DGKI: variants seen among roughly 807,000 people sequenced by gnomAD.
DGKI encodes the protein DAG kinase iota.
A neutral mutation model predicts 147.5 loss-of-function variants in DGKI; 55 were observed. The observed-to-expected ratio is 0.37, with a 90% CI of 0.30 to 0.47. DGKI has a LOEUF of 0.47. Ranked by LOEUF, DGKI falls within the 20% of genes least tolerant of loss-of-function variation. The pLI is 1.00. For synonymous variants in DGKI, 469 were observed against 477.1 expected (o/e 0.98, Z 0.22); for missense variants, 1,007 against 1,323.8 (o/e 0.76, Z 3.71).
At chr7:137,636,759 G>A (rs1035902006) in intron 6 of DGKI, among the ~76,000 whole-genome samples, 1 of 152,212 alleles carries the variant, frequency 6.6e-6, no homozygotes, top group Non-Finnish European at 1.5e-5. Context: ...GATCCCCTAT[G>A]AGTGGCTTGG....
chr7:137,503,982 A>G (rs1024965016), intron 21 of DGKI, among the ~76,000 whole-genome samples: 1 of 152,166 alleles, frequency 6.6e-6, no homozygotes. Context: ...AAGTCTCTAG[A>G]GTCTAAACTA....
At chr7:137,653,778 G>T (rs1406935143) in intron 5 of DGKI, among the ~76,000 whole-genome samples, 1 of 152,214 alleles carries the variant, frequency 6.6e-6, no homozygotes, top group Non-Finnish European at 1.5e-5. Flanking sequence ...TCGTCTCCCT[G>T]AGAAAGTATG....
rs138177737 is a variant in DGKI, at chr7:137,712,117, G to A, written c.402-22115C>T. On this transcript the variant is annotated intron_variant, in intron 1 of 32. Transcript: ENST00000614521. ...ATCATTAGTAAAGATACAAATATTT[G>A]GTTAAATGTTAATAAAAAGCAAGGG... 5.1e-3 allele frequency among the ~76,000 whole-genome samples: 773 copies of A among 152,148 alleles called. 6 individuals carry two copies. Among genetic ancestry groups the A allele is most frequent in the Non-Finnish European group, 6.3e-3 (429 of 67,994 alleles).
chr7:137,758,157 C>A (rs926640136), intron 1 of DGKI, among the ~76,000 whole-genome samples: 5 of 152,200 alleles, frequency 3.3e-5, no homozygotes, highest in African/African-American at 9.7e-5. Context: ...ACTACCTCCT[C>A]CTCAATCAAA....
chr7:137,462,581 G>T lies in DGKI; in HGVS notation c.2735+908C>A, dbSNP rs1258319570. Among the ~76,000 whole-genome samples the T allele has an allele frequency of 1.1e-4, 17 of 152,246 alleles. No homozygotes were observed. In the South Asian group the frequency reaches 3.5e-3, roughly 32 times the overall value. On this transcript the variant is annotated intron_variant, in intron 27 of 32. Coordinates refer to ENST00000614521, the MANE Select transcript of DGKI (RefSeq NM_001321708.2). ...TGAAATTGCTTCTGGTCTTTCTCCA[G>T]AAACAAAGCACTTCCTTTGCCTCTT...
intron 8 of DGKI, among the ~76,000 whole-genome samples, chr7:137,619,484 A>T (rs1445093370): frequency 6.6e-6 from 1 of 152,218 alleles, no homozygotes; most frequent in African/African-American, 2.4e-5. Flanking sequence ...AGGCTGGAAG[A>T]GAACAGAGTT....
chr7:137,743,009 C>T (rs10215033), intron 1 of DGKI, among the ~76,000 whole-genome samples: 30,869 of 151,922 alleles, frequency 0.2, 5,324 homozygotes, highest in African/African-American at 0.46. Context: ...AGACTTTAAA[C>T]CAACAAGAGT....
chr7:137,446,477 G>A (rs1477657205), intron 27 of DGKI, among the ~76,000 whole-genome samples: 2 of 152,088 alleles, frequency 1.3e-5, no homozygotes, highest in African/African-American at 2.4e-5. Flanking sequence ...GCTGGAAATC[G>A]GCATAAAAAG....
intron 22 of DGKI, 62 bp downstream of exon 22, chr7:137,487,548 C>G: frequency 7.2e-7 from 1 of 1,385,998 alleles, no homozygotes; most frequent in Non-Finnish European, 1.0e-6. Context: ...ATATATATGG[C>G]TGGTAATTGT....
intron 23 of DGKI, among the ~76,000 whole-genome samples, chr7:137,477,384 T>C (rs141546903): frequency 0.012 from 1,888 of 152,336 alleles, 147 homozygotes; most frequent in Admixed American, 0.12. Flanking sequence ...GTTGCATGGT[T>C]TTCATTTCTG....
intron 1 of DGKI, among the ~76,000 whole-genome samples, chr7:137,824,977 G>T (rs772847151): frequency 5.3e-5 from 8 of 152,168 alleles, no homozygotes; most frequent in Non-Finnish European, 8.8e-5. Context: ...GATTTAGGTT[G>T]ATTCCATGTC....
At position 137,815,312 on chromosome 7, in the gene DGKI, A is replaced by G. The variant is rs1016656835; in HGVS notation, c.401+31150T>C. On this transcript the variant is annotated intron_variant, in intron 1 of 32. Transcript: ENST00000614521. ...CATGGCTGGTCATTCTCAGAAAATC[A>G]TCTTATTTGAGTTGCTGGCCCAGCT... is the stretch of plus-strand genomic sequence containing the variant. Among the ~76,000 whole-genome samples, 5 of 152,290 alleles carry G rather than the reference A, an allele frequency of 3.3e-5. No individual in the cohort carries two copies. The South Asian group carries it at 1.0e-3, about 32-fold the overall frequency.
chr7:137,584,047 C>T (rs1167288066), intron 14 of DGKI, among the ~76,000 whole-genome samples: 3 of 152,062 alleles, frequency 2.0e-5, no homozygotes, highest in African/African-American at 7.2e-5. Context: ...TGATCAGGAT[C>T]ACGATGCTAA....
Position 137,485,432 on chromosome 7 carries a change from G to GAA in DGKI, c.2329-16_2329-15dup. 3 of 1,520,546 alleles carry GAA rather than the reference G, an allele frequency of 2.0e-6. No homozygotes were observed. The highest frequency in any genetic ancestry group is 1.9e-5 in the Admixed American group (1 of 52,512). 94.2% of individuals were successfully genotyped at this position (1,520,546 alleles called of 1,614,324 possible). A position where few individuals can be genotyped will look rare whatever the true frequency, so the allele number is the denominator to read the frequency against. ...TGACTGTAGGTCCTAATGAGAAAAT[G>GAA]AAAAAAAAAATCCATACCTTAAAAT... is the stretch of plus-strand genomic sequence containing the variant. On this transcript the variant is annotated splice_polypyrimidine_tract_variant and intron_variant, in intron 22 of 32. Transcript: ENST00000614521.
At chr7:137,596,001 C>CAAAAA (rs71177914) in intron 12 of DGKI, among the ~76,000 whole-genome samples, 535 of 44,510 alleles carry the variant, frequency 0.012, 16 homozygotes, top group Non-Finnish European at 0.014. Flanking sequence ...GACTCCGTCT[C>CAAAAA]AAAAAAAAAA....
chr7:137,597,759 A>G, intron 12 of DGKI, 88 bp downstream of exon 12: 2 of 1,242,688 alleles, frequency 1.6e-6, no homozygotes, highest in East Asian at 2.4e-5. Context: ...GATTAGAAAG[A>G]CTGAGCAACG....
At chr7:137,649,467 A>G (rs1390584989) in intron 5 of DGKI, among the ~76,000 whole-genome samples, 4 of 152,206 alleles carry the variant, frequency 2.6e-5, no homozygotes, top group Non-Finnish European at 5.9e-5. Flanking sequence ...CTTCTGAATT[A>G]TTCATAAACA....
chr7:137,779,848 T>C (rs1215662635), intron 1 of DGKI, among the ~76,000 whole-genome samples: 2 of 152,210 alleles, frequency 1.3e-5, no homozygotes, highest in African/African-American at 4.8e-5. Context: ...CCTTTGTCTA[T>C]ATTTGAAATT....
chr7:137,689,328 T>G (rs546122210), intron 2 of DGKI, among the ~76,000 whole-genome samples: 2 of 152,346 alleles, frequency 1.3e-5, no homozygotes, highest in African/African-American at 4.8e-5. Flanking sequence ...TTTAATCAAC[T>G]AAAGAGTTTC....
Sources: allele counts gnomAD v4.1 joint callset (sites outside exome capture counted in the v4.1 genomes callset), GRCh38; gene constraint gnomAD v4.1.1; transcripts MANE v1.5; gene names NCBI Gene and HGNC (gene_info 2026-07-23, HGNC 2026-07-21).